PLSCR2: variants seen among roughly 807,000 people sequenced by gnomAD.
The protein encoded by PLSCR2 is PL scramblase 2.
PLSCR2 carries 18 observed loss-of-function variants against 25.3 expected under a neutral mutation model. The ratio of observed to expected loss-of-function variants is 0.71; its 90% confidence interval spans 0.49 to 1.06. The LOEUF is 1.06. Ranked by LOEUF, PLSCR2 falls within the 50% of genes least tolerant of loss-of-function variation. The pLI is 0.00. For missense variants in PLSCR2, 243 were observed against 269.5 expected (o/e 0.90, Z 0.69); for synonymous variants, 88 against 87.3 (o/e 1.01, Z -0.04).
At chr3:146,397,696 C>T (rs1026242675) in intron 2 of PLSCR2, among the ~76,000 whole-genome samples, 5 of 151,960 alleles carry the variant, frequency 3.3e-5, no homozygotes, top group African/African-American at 4.8e-5. Flanking sequence ...CTGTATTATA[C>T]TCTGAAATAT....
chr3:146,463,711 C>G (rs1467851588), upstream of PLSCR2: 1 of 221,610 alleles, frequency 4.5e-6, no homozygotes, highest in Non-Finnish European at 7.6e-6. Flanking sequence ...CAGGCCCACT[C>G]CAGTGTTGGC....
chr3:146,449,401 T>A, intron 5 of PLSCR2, 34 bp from the exon 6 acceptor site: 2 of 1,444,546 alleles, frequency 1.4e-6, no homozygotes, highest in African/African-American at 2.9e-5. Flanking sequence ...CTTAAAAATT[T>A]CTAGAAAACT....
intron 2 of PLSCR2, among the ~76,000 whole-genome samples, chr3:146,399,547 T>G: frequency 6.6e-6 from 1 of 151,718 alleles, no homozygotes; most frequent in South Asian, 2.1e-4. Context: ...AAACTTGTAA[T>G]AGTAGTTGTA....
intron 8 of PLSCR2, among the ~76,000 whole-genome samples, chr3:146,435,970 C>A (rs1207711899): frequency 6.6e-6 from 1 of 152,204 alleles, no homozygotes; most frequent in Non-Finnish European, 1.5e-5. Flanking sequence ...GGAAGGGATG[C>A]AGTTTCAGCT....
At chr3:146,445,520 A>T (rs1427203233) in intron 6 of PLSCR2, among the ~76,000 whole-genome samples, 1 of 151,876 alleles carries the variant, frequency 6.6e-6, no homozygotes, top group Non-Finnish European at 1.5e-5. Flanking sequence ...TGCCAGATGT[A>T]TTGGATCTTG....
At chr3:146,449,229 T>A in exon 6 of PLSCR2, 6 of 1,612,974 alleles carry the variant, frequency 3.7e-6, no homozygotes, top group Non-Finnish European at 5.1e-6. Flanking sequence ...GCACCAATCA[T>A]CACGGCTTTC....
At chr3:146,485,170 C>A (rs141030485) in intron 1 of PLSCR2, among the ~76,000 whole-genome samples, 1 of 150,042 alleles carries the variant, frequency 6.7e-6, no homozygotes, top group African/African-American at 2.4e-5. Flanking sequence ...ACAAAACAGA[C>A]TTTAAACCAA....
intron 8 of PLSCR2, among the ~76,000 whole-genome samples, chr3:146,435,945 C>A (rs1382863467): frequency 6.6e-6 from 1 of 152,044 alleles, no homozygotes; most frequent in African/African-American, 2.4e-5. Context: ...GAATTAATTT[C>A]TGTATAAGGT....
intron 1 of PLSCR2, among the ~76,000 whole-genome samples, chr3:146,492,615 C>A: frequency 6.6e-6 from 1 of 151,832 alleles, no homozygotes; most frequent in Admixed American, 6.6e-5. Context: ...AAAGATAAAA[C>A]ACACCAGAAT....
rs564375368 is a variant in PLSCR2 at position 146,460,101 on chromosome 3, A to G, written c.-179-18T>C. On this transcript the variant is annotated intron_variant, in intron 1 of 6. Coordinates refer to ENST00000610787, the Ensembl canonical transcript of PLSCR2. ...GGGAGGTCCTGAAATAGGAGCAAGT[A>G]AAATAATTTGTAGCTGCCCAGAAAA... The G allele has an allele frequency of 6.8e-7, 1 of 1,480,940 alleles. No individual in the cohort carries two copies. The highest frequency in any genetic ancestry group is 1.3e-5 in the South Asian group (1 of 77,786). 91.7% of individuals were successfully genotyped at this position (1,480,940 alleles called of 1,614,324 possible).
chr3:146,436,212 C>T (rs1316735007), intron 8 of PLSCR2, among the ~76,000 whole-genome samples: 2 of 152,208 alleles, frequency 1.3e-5, no homozygotes, highest in African/African-American at 4.8e-5. Context: ...AGCATGATAC[C>T]TCCAGCTTTG....
intron 1 of PLSCR2, among the ~76,000 whole-genome samples, chr3:146,489,345 C>G (rs796753679): frequency 2.0e-5 from 3 of 152,014 alleles, no homozygotes; most frequent in African/African-American, 7.2e-5. Context: ...ATATTAAAAA[C>G]AGCTATGTGG....
intron 8 of PLSCR2, among the ~76,000 whole-genome samples, chr3:146,433,854 T>C (rs1386362192): frequency 6.6e-6 from 1 of 152,206 alleles, no homozygotes; most frequent in African/African-American, 2.4e-5. Flanking sequence ...ATTTGCCATT[T>C]GGGGTTATTG....
chr3:146,454,897 A>G (rs750041816), intron 4 of PLSCR2, among the ~76,000 whole-genome samples: 55 of 152,256 alleles, frequency 3.6e-4, no homozygotes, highest in Middle Eastern at 3.4e-3. Flanking sequence ...CTATTTTAGG[A>G]TATTTTCAAT....
intron 3 of PLSCR2, among the ~76,000 whole-genome samples, chr3:146,395,400 A>G (rs1174583901): frequency 1.3e-5 from 2 of 152,224 alleles, no homozygotes; most frequent in Non-Finnish European, 2.9e-5. Flanking sequence ...ATAGTTTCCA[A>G]ATTAACAATA....
chr3:146,409,079 G>C (rs565844197), intron 2 of PLSCR2, among the ~76,000 whole-genome samples: 1 of 152,068 alleles, frequency 6.6e-6, no homozygotes, highest in Non-Finnish European at 1.5e-5. Context: ...CCATCAGAAA[G>C]GTCAAAACCT....
intron 6 of PLSCR2, among the ~76,000 whole-genome samples, chr3:146,442,825 T>C (rs1226428893): frequency 1.3e-5 from 2 of 152,038 alleles, no homozygotes; most frequent in South Asian, 2.1e-4. Flanking sequence ...GATTAAAGAC[T>C]TAAATGTAAA....
At chr3:146,460,574 A>T (rs2041514967), upstream of PLSCR2, among the ~76,000 whole-genome samples, 1 of 152,058 alleles carries the variant, frequency 6.6e-6, no homozygotes, top group Non-Finnish European at 1.5e-5. Flanking sequence ...GTCAATGGGG[A>T]GATGGGGTTG....
rs79467569 is a variant in PLSCR2 at position 146,466,458 on chromosome 3, C to G, written c.-292-6174G>C. 3.9e-3 allele frequency among the ~76,000 whole-genome samples: 597 copies of G among 152,276 alleles called. 5 individuals carry two copies. The highest frequency in any genetic ancestry group is 0.013 in the African/African-American group (540 of 41,546). ...CGCTGGGATTACAGGTGTGGACCACCACACCTGGCCTATAGAATTGTATAT... is the reference window on the plus strand; with the variant it reads ...CGCTGGGATTACAGGTGTGGACCACGACACCTGGCCTATAGAATTGTATAT... On this transcript the variant is annotated intron_variant, in intron 1 of 8. Transcript: ENST00000336685.
Sources: gnomAD v4.1 joint callset for allele counts (sites outside exome capture counted in the v4.1 genomes callset) on GRCh38, gnomAD v4.1.1 for gene constraint, MANE v1.5 for transcripts, NCBI Gene and HGNC (gene_info 2026-07-23, HGNC 2026-07-21) for gene names.